GRM5: variants seen among roughly 807,000 people sequenced by gnomAD.
GRM5 encodes the protein glutamate metabotropic receptor 5.
In GRM5, 19 loss-of-function variants were observed where a neutral mutation model predicts 83.1. The observed-to-expected ratio is 0.23, with a 90% CI of 0.16 to 0.34. The LOEUF is 0.34. Ranked by LOEUF, GRM5 falls within the 10% of genes least tolerant of loss-of-function variation. GRM5 has a pLI of 1.00. For missense variants in GRM5, 1,160 were observed against 1,588.3 expected (o/e 0.73, Z 4.58); for synonymous variants, 675 against 633.6 (o/e 1.07, Z -0.98).
Position 88,604,743 on chromosome 11 carries a change from C to T in GRM5, c.1369G>A (p.Asp457Asn). 4.3e-6 allele frequency: 7 copies of T among 1,611,950 alleles called. No individual in the cohort carries two copies. Among genetic ancestry groups the T allele is most frequent in the Non-Finnish European group, 5.9e-6 (7 of 1,178,124 alleles). The change falls in exon 5 of 10, where the codon GAT becomes AAT. Residue 457 changes from aspartate (D) to asparagine (N), a missense_variant. Asp to Asn is a conservative substitution (Grantham distance 23). Coordinates refer to ENST00000305447, the MANE Select transcript of GRM5 (RefSeq NM_001143831.3). ...CTTCCTGGAGAGTCTCCATTCTCATCGAATAGGATCGTATCTCCAGAAACC... is the reference window on the plus strand; with the variant it reads ...CTTCCTGGAGAGTCTCCATTCTCATTGAATAGGATCGTATCTCCAGAAACC... ...TGVSGDTILF[D>N]ENGDSPGRYE... is the part of the protein sequence containing the mutation.
chr11:88,862,216 G>A (rs1319608961), intron 2 of GRM5, among the ~76,000 whole-genome samples: 2 of 152,074 alleles, frequency 1.3e-5, no homozygotes, highest in Non-Finnish European at 2.9e-5. Flanking sequence ...CACTTACATG[G>A]TTTTTGGGAA....
At position 88,634,399 on chromosome 11, in the gene GRM5, G is replaced by A. The variant is rs979594490; in HGVS notation, c.1147+18769C>T. 5.2e-4 allele frequency among the ~76,000 whole-genome samples: 79 copies of A among 151,934 alleles called. 2 individuals are homozygous for A. Among genetic ancestry groups the A allele is most frequent in the Non-Finnish European group, 8.8e-5 (6 of 67,986 alleles). On this transcript the variant is annotated intron_variant, in intron 4 of 9. Coordinates refer to ENST00000305447, the MANE Select transcript of GRM5 (RefSeq NM_001143831.3). ...TAATAACACATAGCTTAAAACACAA[G>A]CACATTGTATAGCTGCACAAAATAT...
intron 8 of GRM5, among the ~76,000 whole-genome samples, chr11:88,543,386 C>T (rs1011420693): frequency 6.6e-6 from 1 of 152,168 alleles, no homozygotes; most frequent in Non-Finnish European, 1.5e-5. Flanking sequence ...TGCAAGCTGA[C>T]TGCCTTGCTT....
intron 3 of GRM5, among the ~76,000 whole-genome samples, chr11:88,667,888 A>G (rs1371955400): frequency 4.0e-5 from 6 of 150,170 alleles, no homozygotes; most frequent in Non-Finnish European, 8.9e-5. Context: ...GGGAGACTCT[A>G]TCAAAAAAGA....
At chr11:88,948,670 A>C (rs1565305514) in intron 2 of GRM5, among the ~76,000 whole-genome samples, 1 of 152,138 alleles carries the variant, frequency 6.6e-6, no homozygotes, top group Non-Finnish European at 1.5e-5. Flanking sequence ...ACATGCACAC[A>C]CCCTTTTTAT....
intron 2 of GRM5, among the ~76,000 whole-genome samples, chr11:88,881,201 T>C (rs1944947574): frequency 6.6e-6 from 1 of 152,072 alleles, no homozygotes; most frequent in South Asian, 2.1e-4. Context: ...TCATTTTCTT[T>C]TAAAGGAATC....
At chr11:88,786,717 G>A (rs1235016727) in intron 3 of GRM5, among the ~76,000 whole-genome samples, 1 of 152,014 alleles carries the variant, frequency 6.6e-6, no homozygotes, top group Non-Finnish European at 1.5e-5. Context: ...CATTCCCACA[G>A]ACACTTTTTT....
chr11:88,617,113 T>A (rs1938506082), intron 4 of GRM5, among the ~76,000 whole-genome samples: 1 of 152,220 alleles, frequency 6.6e-6, no homozygotes, highest in Non-Finnish European at 1.5e-5. Flanking sequence ...GAACAGCACT[T>A]GTTTAAACAA....
intron 3 of GRM5, among the ~76,000 whole-genome samples, chr11:88,763,321 G>A (rs1009744838): frequency 4.6e-5 from 7 of 151,766 alleles, no homozygotes; most frequent in Admixed American, 2.6e-4. Context: ...ATAACTCAAA[G>A]CCATAAGAAG....
chr11:88,620,119 T>C (rs1275046877), intron 4 of GRM5, among the ~76,000 whole-genome samples: 1 of 152,208 alleles, frequency 6.6e-6, no homozygotes, highest in Non-Finnish European at 1.5e-5. Flanking sequence ...GAAATGTGTT[T>C]ATATCTCTAT....
At chr11:88,744,574 T>C (rs1012693066) in intron 3 of GRM5, among the ~76,000 whole-genome samples, 1 of 152,080 alleles carries the variant, frequency 6.6e-6, no homozygotes, top group African/African-American at 2.4e-5. Flanking sequence ...TTTCAATCCC[T>C]ACATGAACCT....
intron 2 of GRM5, among the ~76,000 whole-genome samples, chr11:88,947,038 G>A (rs889217417): frequency 2.0e-5 from 3 of 151,972 alleles, no homozygotes; most frequent in Non-Finnish European, 4.4e-5. Context: ...AAGCTTTTTG[G>A]CTTTAAAAAT....
chr11:89,058,563 C>T (rs1007609908), intron 1 of GRM5, among the ~76,000 whole-genome samples: 32 of 152,176 alleles, frequency 2.1e-4, no homozygotes, highest in African/African-American at 7.7e-4. Context: ...CTTAGAAATT[C>T]TCTACCTGAA....
At chr11:88,840,455 AT>A (rs1944177614) in intron 3 of GRM5, among the ~76,000 whole-genome samples, 1 of 152,096 alleles carries the variant, frequency 6.6e-6, no homozygotes, top group African/African-American at 2.4e-5. Context: ...CAAGATCCAT[AT>A]TCTGAAACCC....
intron 7 of GRM5, among the ~76,000 whole-genome samples, chr11:88,577,910 C>G (rs1341407602): frequency 6.6e-6 from 1 of 152,076 alleles, no homozygotes. Flanking sequence ...TAATACCTAT[C>G]TGCCTACATC....
chr11:88,839,862 A>ATAT (rs755834875), intron 3 of GRM5, among the ~76,000 whole-genome samples: 1 of 152,312 alleles, frequency 6.6e-6, no homozygotes, highest in East Asian at 1.9e-4. Context: ...GGTATGCATT[A>ATAT]TATACTGTAT....
chr11:88,622,211 T>A (rs1306197317), intron 4 of GRM5, among the ~76,000 whole-genome samples: 1 of 152,230 alleles, frequency 6.6e-6, no homozygotes, highest in Non-Finnish European at 1.5e-5. Context: ...ACATTCTAGA[T>A]GCTTTACACA....
rs768641894 is a variant in GRM5 at position 88,508,789 on chromosome 11, G to T, written c.3442C>A (p.Pro1148Thr). Residue 1148 changes from proline to threonine, a missense_variant, in exon 10 of 10, where the codon CCC (proline) becomes ACC (threonine). Coordinates refer to ENST00000305447, the MANE Select transcript of GRM5 (RefSeq NM_001143831.3). This position sits in a 1 kb window ranked among gnomAD's most constrained non-coding sequence, Gnocchi z 4.2. ...DAARESPAAG[P>T]EAAAAKPDLE... ...TCTGGCTTGGCGGCCGCAGCCTCGG[G>T]ACCGGCCGCGGGGCTCTCCCGGGCC... 35 of 1,460,308 alleles carry T rather than the reference G, an allele frequency of 2.4e-5. No homozygotes were observed. The highest frequency in any genetic ancestry group is 2.9e-5 in the Admixed American group (1 of 34,666). The allele number at this position is 1,460,308 out of a possible 1,614,324, so 90.5% of individuals were successfully genotyped here. A position where few individuals can be genotyped will look rare whatever the true frequency, so the allele number is the denominator to read the frequency against.
intron 2 of GRM5, among the ~76,000 whole-genome samples, chr11:89,018,266 ACCAAAT>A (rs1043128759): frequency 6.6e-6 from 1 of 152,122 alleles, no homozygotes; most frequent in African/African-American, 2.4e-5. Context: ...GTATCTGTGT[ACCAAAT>A]CCAACCCCCA....
Sources: gnomAD v4.1 joint callset for allele counts (sites outside exome capture counted in the v4.1 genomes callset) on GRCh38, gnomAD v4.1.1 for gene constraint, Gnocchi (gnomAD v3.1) non-coding constraint, MANE v1.5 for transcripts, NCBI Gene and HGNC (gene_info 2026-07-23, HGNC 2026-07-21) for gene names.